Variants in STK10 observed in about 807,000 individuals in gnomAD.
STK10 encodes the protein serine/threonine kinase 10, also known as serine/threonine-protein kinase 10.
STK10 carries 78 observed loss-of-function variants against 113.8 expected under a neutral mutation model. The observed-to-expected ratio is 0.69, with a 90% confidence interval of 0.57 to 0.83. STK10 has a LOEUF of 0.83. Among genes scored for constraint, STK10 ranks in the 40% least tolerant of loss-of-function variants. The pLI, the probability that STK10 is intolerant of heterozygous loss-of-function variation, is 0.00. For missense variants in STK10, 1,109 were observed against 1,280.1 expected, an observed-to-expected ratio of 0.87 and a Z score of 2.04; for synonymous variants, 465 against 494.7, an observed-to-expected ratio of 0.94 and a Z score of 0.80.
intron 18 of STK10, among the ~76,000 whole-genome samples, chr5:172,052,228 G>A (rs1157899204): frequency 6.6e-6 from 1 of 152,158 alleles, no homozygotes; most frequent in African/African-American, 2.4e-5. Context: ...GGTGGAGGAG[G>A]CCACGTGATA....
intron 14 of STK10, among the ~76,000 whole-genome samples, chr5:172,060,482 C>T (rs1222720147): frequency 6.6e-6 from 1 of 152,194 alleles, no homozygotes; most frequent in African/African-American, 2.4e-5. Context: ...GACCCCAGAG[C>T]TAGTCTCCCT....
chr5:172,045,347 C>A, intron 18 of STK10: 1 of 517,346 alleles, frequency 1.9e-6, no homozygotes, highest in Non-Finnish European at 3.7e-6. Flanking sequence ...GGAGAAAAAC[C>A]CGAGGGAGAA....
At chr5:172,134,046 C>CTGCTGT (rs1311962806) in intron 2 of STK10, among the ~76,000 whole-genome samples, 4 of 152,226 alleles carry the variant, frequency 2.6e-5, no homozygotes, top group African/African-American at 9.6e-5. Flanking sequence ...TCAGATGCTG[C>CTGCTGT]TGCTGTTGCT....
At chr5:172,142,309 ATC>A (rs1263782519) in intron 2 of STK10, among the ~76,000 whole-genome samples, 2 of 152,092 alleles carry the variant, frequency 1.3e-5, no homozygotes, top group African/African-American at 4.8e-5. Context: ...GGATTTTAAA[ATC>A]TCTCTTCTCC....
At chr5:172,139,541 T>G (rs1281729739) in intron 2 of STK10, among the ~76,000 whole-genome samples, 1 of 150,722 alleles carries the variant, frequency 6.6e-6, no homozygotes, top group Non-Finnish European at 1.5e-5. Flanking sequence ...AAATAAAACC[T>G]TGACATATAT....
chr5:172,147,651 C>G (rs1770113601), intron 2 of STK10, among the ~76,000 whole-genome samples: 1 of 152,166 alleles, frequency 6.6e-6, no homozygotes, highest in Admixed American at 6.5e-5. Context: ...CTTGGCCTCC[C>G]TAAGTGCTGG....
intron 5 of STK10, 85 bp from the exon 6 acceptor site, chr5:172,106,899 A>G: frequency 1.4e-6 from 2 of 1,405,816 alleles, no homozygotes; most frequent in Non-Finnish European, 1.9e-6. Context: ...GGCCACCACG[A>G]GCCACTGTCG....
chr5:172,175,919 A>G (rs1224427033), intron 1 of STK10, among the ~76,000 whole-genome samples: 1 of 152,134 alleles, frequency 6.6e-6, no homozygotes, highest in African/African-American at 2.4e-5. Context: ...CCTACCTTTC[A>G]TGGGGATACG....
chr5:172,045,483 C>A (rs1767477757), intron 18 of STK10: 1 of 441,398 alleles, frequency 2.3e-6, no homozygotes, highest in Admixed American at 2.6e-5. Context: ...GACTCCATCT[C>A]AAAAACAAAA....
intron 3 of STK10, among the ~76,000 whole-genome samples, chr5:172,125,734 T>G (rs1769605579): frequency 1.3e-5 from 2 of 152,202 alleles, no homozygotes; most frequent in African/African-American, 4.8e-5. Context: ...GTATAGCTGT[T>G]TATGCTTGCA....
chr5:172,157,533 G>A (rs1770376324), intron 1 of STK10, among the ~76,000 whole-genome samples: 1 of 152,100 alleles, frequency 6.6e-6, no homozygotes. Flanking sequence ...TCCAGCCTGG[G>A]TGACAGAGTG....
In STK10 at chr5:172,105,674, A is replaced by ACTGGGTCGGGTTT; in HGVS notation, c.839_851dup (p.Ser284ArgfsTer21). ...CACTCACCTCCAGCAGCTGCGCGGCACTGGGTCGGGTTTCTGGGTTCTTAT... is the reference window on the plus strand; with the variant it reads ...CACTCACCTCCAGCAGCTGCGCGGCACTGGGTCGGGTTTCTGGGTCGGGTTTCTGGGTTCTTAT... On this transcript the variant is annotated frameshift_variant, in exon 7 of 19. Transcript: ENST00000176763. LOFTEE classifies it high-confidence loss of function. 1 of 1,613,842 alleles carries ACTGGGTCGGGTTT rather than the reference A, an allele frequency of 6.2e-7. No homozygotes were observed. Among genetic ancestry groups the ACTGGGTCGGGTTT allele is most frequent in the Non-Finnish European group, 8.5e-7 (1 of 1,180,014 alleles).
intron 3 of STK10, among the ~76,000 whole-genome samples, chr5:172,118,663 G>A (rs933598149): frequency 2.6e-5 from 4 of 151,744 alleles, no homozygotes; most frequent in Non-Finnish European, 5.9e-5. Context: ...GGGGGATCAC[G>A]AGGTCAGGAG....
At chr5:172,178,391 T>C (rs1770794917) in intron 1 of STK10, among the ~76,000 whole-genome samples, 1 of 152,102 alleles carries the variant, frequency 6.6e-6, no homozygotes, top group African/African-American at 2.4e-5. Context: ...CCGCCTGCCG[T>C]ACCAGGTGGA....
At chr5:172,047,899 G>GTT (rs11438537) in intron 18 of STK10, among the ~76,000 whole-genome samples, 3,087 of 109,808 alleles carry the variant, frequency 0.028, 204 homozygotes, top group African/African-American at 0.086. Flanking sequence ...TGTTTTTTGG[G>GTT]TTTTTTTTTT....
intron 14 of STK10, among the ~76,000 whole-genome samples, chr5:172,060,485 G>A (rs1283710105): frequency 6.6e-6 from 1 of 152,190 alleles, no homozygotes; most frequent in Non-Finnish European, 1.5e-5. Flanking sequence ...CCCAGAGCTA[G>A]TCTCCCTTCC....
At chr5:172,166,042 C>T (rs1471112650) in intron 1 of STK10, among the ~76,000 whole-genome samples, 1 of 152,232 alleles carries the variant, frequency 6.6e-6, no homozygotes, top group African/African-American at 2.4e-5. Flanking sequence ...ATCCGCCCAC[C>T]TTGGCCTCCC....
intron 1 of STK10, among the ~76,000 whole-genome samples, chr5:172,169,900 G>A (rs6892515): frequency 0.45 from 68,552 of 152,014 alleles, 17,025 homozygotes; most frequent in African/African-American, 0.68. Context: ...GTGTGCTTGC[G>A]GAAGCCAGGA....
chr5:172,082,525 T>C lies in STK10; in HGVS notation c.1810-20A>G, dbSNP rs769673134. The stretch of plus-strand genomic sequence containing the variant: ...CTTGGCCTGAAAGGAGCAGAAATTC[T>C]GAGAAACTTAGCGAAGTCACTTTAT... On this transcript the variant is annotated intron_variant, in intron 11 of 18. Coordinates refer to ENST00000176763, the MANE Select transcript of STK10 (RefSeq NM_005990.4). This position sits in a 1 kb window ranked among gnomAD's most constrained non-coding sequence, Gnocchi z 4.3. The C allele has an allele frequency of 1.3e-6, 2 of 1,557,748 alleles. No homozygotes were observed. The highest frequency in any genetic ancestry group is 1.4e-5 in the African/African-American group (1 of 72,326).
Sources: gnomAD v4.1 joint callset for allele counts (sites outside exome capture counted in the v4.1 genomes callset) on GRCh38, gnomAD v4.1.1 for gene constraint, Gnocchi (gnomAD v3.1) non-coding constraint, MANE v1.5 for transcripts, NCBI Gene and HGNC (gene_info 2026-07-23, HGNC 2026-07-21) for gene names.